Variants in PLEKHO2 observed in about 807,000 individuals in gnomAD.
PLEKHO2 encodes pleckstrin homology domain containing O2, also known as pleckstrin homology domain-containing family O member 2.
PLEKHO2 carries 20 observed loss-of-function variants against 32.7 expected under a neutral mutation model. That is an observed-to-expected ratio of 0.61 (90% CI 0.43 to 0.89). PLEKHO2 has a LOEUF of 0.89. PLEKHO2 is among the 40% of genes least tolerant of loss of function. The pLI is 0.00. For synonymous variants in PLEKHO2, 247 were observed against 246.3 expected (o/e 1.00, Z -0.03); for missense variants, 568 against 621.2 (o/e 0.91, Z 0.91).
Position 64,864,920 on chromosome 15 carries a change from G to T in PLEKHO2, c.505G>T (p.Gly169Cys), listed in dbSNP as rs760902437. ...LKEVASAASD[G>C]LLRLDLDVPD... The stretch of plus-strand genomic sequence containing the variant: ...CCAGGTGGCCAGTGCAGCTTCTGAC[G>T]GTCTTCTGCGCCTGGATCTTGATGT... The change falls in exon 6 of 6, where the codon GGT (glycine) becomes TGT (cysteine). Residue 169 changes from glycine (G) to cysteine (C), a missense_variant. By Grantham distance (159) the Gly-to-Cys change is radical. Transcript: ENST00000323544. 1 of 1,610,112 alleles carries T rather than the reference G, an allele frequency of 6.2e-7. No individual in the cohort carries two copies. Among genetic ancestry groups the T allele is most frequent in the Non-Finnish European group, 8.5e-7 (1 of 1,177,344 alleles).
rs574019035 is a variant in PLEKHO2 at position 64,866,149 on chromosome 15, C to T, written c.*261C>T. 26 of 569,844 alleles carry T rather than the reference C, an allele frequency of 4.6e-5. No homozygotes were observed. The highest frequency in any genetic ancestry group is 3.7e-4 in the South Asian group (19 of 50,916). The allele number at this position is 569,844 out of a possible 1,614,324, so 35.3% of individuals were successfully genotyped here. ...CTGGGGCTGGGGCTGGGAGCACACA[C>T]GCTGGGACCTATGTGTTTGTGTGGT... On this transcript the variant is annotated 3_prime_UTR_variant, in exon 6 of 6. Transcript: ENST00000323544.
chr15:64,859,133 A>G (rs929290850), intron 3 of PLEKHO2, among the ~76,000 whole-genome samples: 3 of 152,224 alleles, frequency 2.0e-5, no homozygotes, highest in Admixed American at 6.5e-5. Context: ...CTGATAATCC[A>G]TTGTACGTAT....
chr15:64,863,199 G>T (rs1366012947), intron 5 of PLEKHO2, among the ~76,000 whole-genome samples: 7 of 152,146 alleles, frequency 4.6e-5, no homozygotes, highest in Non-Finnish European at 1.0e-4. Flanking sequence ...GCCTCCCAAA[G>T]TGCTGGGATT....
intron 1 of PLEKHO2, among the ~76,000 whole-genome samples, chr15:64,844,800 C>G (rs2084510381): frequency 6.6e-6 from 1 of 152,178 alleles, no homozygotes. Flanking sequence ...AGGGGTCTCC[C>G]AAACGAACCC....
chr15:64,850,192 T>C (rs560051137), intron 2 of PLEKHO2, among the ~76,000 whole-genome samples: 2 of 152,212 alleles, frequency 1.3e-5, no homozygotes, highest in South Asian at 4.2e-4. Context: ...GTAGCACTCG[T>C]ACTTGTTTGG....
Position 64,865,847 on chromosome 15 carries a change from C to T in PLEKHO2, c.1432C>T (p.Arg478Trp), listed in dbSNP as rs752477581. The T allele has an allele frequency of 8.7e-6, 14 of 1,611,166 alleles. No homozygotes were observed. Among genetic ancestry groups the T allele is most frequent in the East Asian group, 6.7e-5 (3 of 44,878 alleles). The change falls in exon 6 of 6, where the codon CGG becomes TGG. Residue 478 changes from arginine (R) to tryptophan (W), a missense_variant. Arg to Trp is a moderately radical substitution (Grantham distance 101, BLOSUM62 -3). Coordinates refer to ENST00000323544, the MANE Select transcript of PLEKHO2 (RefSeq NM_025201.5). ...SQEAPGLREK[R>W]KELVTLYRRS... Reference sequence around the variant, plus strand: ...GGAAGCACCTGGGCTAAGGGAGAAGCGGAAGGAGCTGGTGACCCTCTACAG... The same window carrying T: ...GGAAGCACCTGGGCTAAGGGAGAAGTGGAAGGAGCTGGTGACCCTCTACAG...
At chr15:64,858,916 A>G (rs1347038155) in intron 3 of PLEKHO2, among the ~76,000 whole-genome samples, 1 of 152,202 alleles carries the variant, frequency 6.6e-6, no homozygotes, top group Non-Finnish European at 1.5e-5. Context: ...CCATTAAATA[A>G]TAATGCCCCA....
intron 1 of PLEKHO2, among the ~76,000 whole-genome samples, chr15:64,844,911 G>A (rs916860654): frequency 1.3e-5 from 2 of 152,102 alleles, no homozygotes; most frequent in African/African-American, 4.8e-5. Flanking sequence ...GAGATTACCC[G>A]CTCCCCACCA....
intron 3 of PLEKHO2, among the ~76,000 whole-genome samples, chr15:64,859,357 C>A (rs557669936): frequency 2.0e-5 from 3 of 152,356 alleles, no homozygotes; most frequent in Admixed American, 2.0e-4. Context: ...AAGTGGTGGA[C>A]TGTCCTGCTC....
intron 2 of PLEKHO2, among the ~76,000 whole-genome samples, chr15:64,849,677 A>C (rs548012746): frequency 1.1e-4 from 16 of 141,024 alleles, no homozygotes; most frequent in Non-Finnish European, 1.4e-4. Context: ...TCCTGACCTC[A>C]GGTGATCCAC....
chr15:64,852,730 T>C (rs7177236), intron 2 of PLEKHO2, among the ~76,000 whole-genome samples: 107,059 of 151,556 alleles, frequency 0.71, 38,638 homozygotes, highest in East Asian at 0.94. Context: ...AAGCGATTCT[T>C]CTGCCTCAGC....
At chr15:64,844,108 C>G (rs930033953) in intron 1 of PLEKHO2, among the ~76,000 whole-genome samples, 1 of 152,236 alleles carries the variant, frequency 6.6e-6, no homozygotes, top group Non-Finnish European at 1.5e-5. Flanking sequence ...TAAAACACCT[C>G]TTAGGTCATA....
In PLEKHO2 at chr15:64,865,048, A is replaced by T; in HGVS notation, c.633A>T (p.Leu211=). 1 of 1,614,046 alleles carries T rather than the reference A, an allele frequency of 6.2e-7. No homozygotes were observed. Among genetic ancestry groups the T allele is most frequent in the Non-Finnish European group, 8.5e-7 (1 of 1,179,978 alleles). The stretch of plus-strand genomic sequence containing the variant: ...TCATGCCTCCTACCAAGCCTTTCCT[A>T]GCACCTGAGACCACCAGCCCTGGTG... ...RPLMPPTKPF[L]APETTSPGDR... is the part of the protein sequence containing the mutation. Residue 211 remains leucine (L), a synonymous_variant, in exon 6 of 6, where the codon CTA becomes CTT. Coordinates refer to ENST00000323544, the MANE Select transcript of PLEKHO2 (RefSeq NM_025201.5).
intron 5 of PLEKHO2, 22 bp downstream of exon 5, chr15:64,861,597 A>G (rs2084642372): frequency 1.9e-6 from 3 of 1,556,176 alleles, no homozygotes; most frequent in East Asian, 2.4e-5. Flanking sequence ...CCCAGTGTGG[A>G]TGTTGGGGTT....
rs2084689362 is a variant in PLEKHO2 at position 64,866,506 on chromosome 15, G to C, written c.*618G>C. 2.5e-6 allele frequency: 1 copy of C among 404,134 alleles called. No individual in the cohort carries two copies. Among genetic ancestry groups the C allele is most frequent in the Non-Finnish European group, 5.0e-6 (1 of 200,426 alleles). The allele number at this position is 404,134 out of a possible 1,614,324, so 25.0% of individuals were successfully genotyped here. A position where few individuals can be genotyped will look rare whatever the true frequency, so the allele number is the denominator to read the frequency against. On this transcript the variant is annotated 3_prime_UTR_variant, in exon 6 of 6. Transcript: ENST00000323544. Reference sequence around the variant, plus strand: ...TCTTTGTGAGGAGGACATTAGCTGTGTGGCCTCTCTCTCTTTGGCCCTGTT... The same window carrying C: ...TCTTTGTGAGGAGGACATTAGCTGTCTGGCCTCTCTCTCTTTGGCCCTGTT...
At chr15:64,842,923 G>C (rs1171521591) in intron 1 of PLEKHO2, among the ~76,000 whole-genome samples, 1 of 152,224 alleles carries the variant, frequency 6.6e-6, no homozygotes, top group African/African-American at 2.4e-5. Context: ...GGGCCTGTTG[G>C]GTCTAGAGGA....
At chr15:64,858,082 C>T (rs2084617238) in intron 3 of PLEKHO2, among the ~76,000 whole-genome samples, 1 of 152,346 alleles carries the variant, frequency 6.6e-6, no homozygotes, top group South Asian at 2.1e-4. Context: ...AGTTGGGTGG[C>T]CTTAGCGACC....
Position 64,841,915 on chromosome 15 carries a change from A to C in PLEKHO2, c.-102A>C, listed in dbSNP as rs563506970. 3.7e-6 allele frequency: 4 copies of C among 1,090,974 alleles called. No individual in the cohort carries two copies. Among genetic ancestry groups the C allele is most frequent in the Admixed American group, 4.7e-5 (1 of 21,264 alleles). 67.6% of individuals were successfully genotyped at this position (1,090,974 alleles called of 1,614,324 possible). A position where few individuals can be genotyped will look rare whatever the true frequency, so the allele number is the denominator to read the frequency against. ...TTGGGCCCCCGGCAGCCGGCGGGAC[A>C]GAACGCGGAGAGTCGCCGCCTGGCC... On this transcript the variant is annotated 5_prime_UTR_variant, in exon 1 of 6. Coordinates refer to ENST00000323544, the MANE Select transcript of PLEKHO2 (RefSeq NM_025201.5).
In PLEKHO2 at chr15:64,865,400, C is replaced by T; in HGVS notation, c.985C>T (p.Gln329Ter). ...ACTGAAAGCCTCCATGGGTGAGATG[C>T]AGGCTTCTGGGCCACCTGCTCCAGG... ...EKLKASMGEM[Q>*]ASGPPAPGTV... Residue 329 changes from glutamine (Q) to a stop codon, truncating the protein, a stop_gained, in exon 6 of 6, where the codon CAG becomes TAG. Coordinates refer to ENST00000323544, the MANE Select transcript of PLEKHO2 (RefSeq NM_025201.5). LOFTEE classifies it low-confidence loss of function (END_TRUNC). The T allele has an allele frequency of 6.2e-7, 1 of 1,613,832 alleles. No homozygotes were observed. Among genetic ancestry groups the T allele is most frequent in the South Asian group, 1.1e-5 (1 of 91,084 alleles).
Sources: gnomAD v4.1 joint callset for allele counts (sites outside exome capture counted in the v4.1 genomes callset) on GRCh38, gnomAD v4.1.1 for gene constraint, MANE v1.5 for transcripts, NCBI Gene and HGNC (gene_info 2026-07-23, HGNC 2026-07-21) for gene names.